The following LMOD1 variants were observed in gnomAD, a reference collection of about 807,000 sequenced individuals.
LMOD1 encodes leiomodin-1.
A neutral mutation model predicts 36.5 loss-of-function variants in LMOD1; 8 were observed. The observed-to-expected ratio is 0.22, with a 90% confidence interval of 0.13 to 0.40. The LOEUF is 0.40. LMOD1 is among the 10% of genes least tolerant of loss of function. The pLI, the probability that LMOD1 is intolerant of heterozygous loss-of-function variation, is 1.00. For missense variants in LMOD1, 630 were observed against 751.1 expected, an observed-to-expected ratio of 0.84 and a Z score of 1.88; for synonymous variants, 284 against 288.7, an observed-to-expected ratio of 0.98 and a Z score of 0.17.
chr1:201,910,492 C>G (rs1681476842), intron 1 of LMOD1, among the ~76,000 whole-genome samples: 1 of 152,060 alleles, frequency 6.6e-6, no homozygotes, highest in Non-Finnish European at 1.5e-5. Context: ...CCATGTTGCC[C>G]AGTCTGGTCT....
At chr1:201,920,132 T>C (rs551905462) in intron 1 of LMOD1, among the ~76,000 whole-genome samples, 1 of 137,812 alleles carries the variant, frequency 7.3e-6, no homozygotes, top group Non-Finnish European at 1.5e-5. Flanking sequence ...TGATCTTGGC[T>C]CACTGCAACC....
chr1:201,924,699 AAGAAAGAAAGAAAGAAAGAAAG>A (rs1457578087), intron 1 of LMOD1, among the ~76,000 whole-genome samples: 1 of 129,496 alleles, frequency 7.7e-6, no homozygotes, highest in African/African-American at 2.6e-5. Flanking sequence ...GAAAGAAAGA[AAGAAAGAAAGAAAGAAAGAAAG>A]AAAGAAAGAA....
In LMOD1 at chr1:201,897,240, G is replaced by T; in HGVS notation, c.*1132C>A. The T allele has an allele frequency of 1.7e-5, 3 of 180,206 alleles. No homozygotes were observed. The South Asian group carries it at 3.5e-4, about 21-fold the overall frequency. 11.2% of individuals were successfully genotyped at this position (180,206 alleles called of 1,614,324 possible). ...CTCTGCCTGCCGCCTTCCTGGGCCTGTGACTGCTGTGAGGACCTGGCCCTG... is the reference window on the plus strand; with the variant it reads ...CTCTGCCTGCCGCCTTCCTGGGCCTTTGACTGCTGTGAGGACCTGGCCCTG... On this transcript the variant is annotated 3_prime_UTR_variant, in exon 3 of 3. Transcript: ENST00000367288.
intron 1 of LMOD1, among the ~76,000 whole-genome samples, chr1:201,916,928 G>A (rs750964322): frequency 2.0e-5 from 3 of 152,158 alleles, no homozygotes; most frequent in African/African-American, 4.8e-5. Context: ...TCGGAGTGGC[G>A]CAATGGCAGC....
intron 1 of LMOD1, among the ~76,000 whole-genome samples, chr1:201,915,626 C>G (rs548123615): frequency 2.4e-4 from 36 of 152,302 alleles, no homozygotes; most frequent in South Asian, 6.2e-4. Flanking sequence ...TCTGCACTCA[C>G]TCACCCTTCC....
In LMOD1 at chr1:201,910,744, C is replaced by CTTTTTTTTTTTTT. The variant is rs58506647; in HGVS notation, c.262-10006_262-9994dup. ...TTCCCCTTTTGCAGATGGTGTCATT[C>CTTTTTTTTTTTTT]TTTTTTTTTTTTTTTTTTTTTTTTT... On this transcript the variant is annotated intron_variant, in intron 1 of 2. Transcript: ENST00000367288. Among the ~76,000 whole-genome samples, 59 of 49,072 alleles carry CTTTTTTTTTTTTT rather than the reference C, an allele frequency of 1.2e-3. 18 individuals are homozygous for CTTTTTTTTTTTTT. Among genetic ancestry groups the CTTTTTTTTTTTTT allele is most frequent in the Admixed American group, 1.8e-3 (5 of 2,820 alleles). The allele number at this position is 49,072 out of a possible 152,430, so 32.2% of individuals were successfully genotyped here. A position where few individuals can be genotyped will look rare whatever the true frequency, so the allele number is the denominator to read the frequency against.
At chr1:201,941,769 C>T (rs1682122442) in intron 1 of LMOD1, among the ~76,000 whole-genome samples, 1 of 152,206 alleles carries the variant, frequency 6.6e-6, no homozygotes, top group Non-Finnish European at 1.5e-5. Flanking sequence ...TAGTAGGTTG[C>T]TTCGGGTTTG....
At chr1:201,930,561 G>C (rs992953404) in intron 1 of LMOD1, among the ~76,000 whole-genome samples, 1 of 152,120 alleles carries the variant, frequency 6.6e-6, no homozygotes, top group African/African-American at 2.4e-5. Context: ...GGGGTGGGGT[G>C]GGGTGACGAT....
intron 1 of LMOD1, among the ~76,000 whole-genome samples, chr1:201,933,567 A>G (rs1208849878): frequency 2.1e-5 from 3 of 141,206 alleles, no homozygotes; most frequent in Non-Finnish European, 4.6e-5. Context: ...ATACATATAT[A>G]TATTATATAT....
chr1:201,920,043 CTCTTTT>C (rs1415750583), intron 1 of LMOD1, among the ~76,000 whole-genome samples: 1 of 116,610 alleles, frequency 8.6e-6, no homozygotes, highest in Non-Finnish European at 1.7e-5. Context: ...CTGGCTCTCT[CTCTTTT>C]TTTTTTTTTT....
rs759277538 is a variant in LMOD1, at chr1:201,900,487, C to T, written c.526G>A (p.Gly176Arg). The T allele has an allele frequency of 3.1e-6, 5 of 1,613,460 alleles. No individual in the cohort carries two copies. The highest frequency in any genetic ancestry group is 4.2e-6 in the Non-Finnish European group (5 of 1,179,764). ...GCCACTGCCCTCTCCTCTCCTCTCCCATCCTTCCCTGCCTCCTTCTTATCC... is the reference window on the plus strand; with the variant it reads ...GCCACTGCCCTCTCCTCTCCTCTCCTATCCTTCCCTGCCTCCTTCTTATCC... ...AVDKKEAGKDGRGEERAVATK... is the reference protein window; with the variant it reads ...AVDKKEAGKDRRGEERAVATK... The change falls in exon 2 of 3, where the codon GGG becomes AGG. Residue 176 changes from glycine to arginine, a missense_variant. Physicochemically the swap from Gly to Arg is moderately radical, Grantham distance 125. This residue lies in a region of LMOD1 where 405 missense variants were observed against 400.6 expected (regional missense o/e 1.01). Coordinates refer to ENST00000367288, the MANE Select transcript of LMOD1 (RefSeq NM_012134.3).
chr1:201,946,236 C>T lies in LMOD1; in HGVS notation c.105G>A (p.Glu35=), dbSNP rs1682210266. The change falls in exon 1 of 3, where the codon GAG becomes GAA. Residue 35 remains glutamate (E), a synonymous_variant. Transcript: ENST00000367288. ...TCCCGTCTGGGTCCACCACGTCCAG[C>T]TCCTTCTCCAGCTCCTCCATCTCCT... is the stretch of plus-strand genomic sequence containing the variant. ...SPEEMEELEK[E]LDVVDPDGSV... is the part of the protein sequence containing the mutation. The T allele has an allele frequency of 1.2e-6, 2 of 1,613,958 alleles. No individual in the cohort carries two copies. The highest frequency in any genetic ancestry group is 1.7e-6 in the Non-Finnish European group (2 of 1,179,914).
chr1:201,899,970 A>G lies in LMOD1; in HGVS notation c.1043T>C (p.Leu348Ser). Reference protein sequence around the residue: ...NNSDCITNEILVRFTEALEFN... With the variant: ...NNSDCITNEISVRFTEALEFN... ...CTCCAGAGCCTCAGTAAACCGGACC[A>G]AGATCTCATTTGTGATGCAGTCTGA... is the stretch of plus-strand genomic sequence containing the variant. The change falls in exon 2 of 3, where the codon TTG becomes TCG. Residue 348 changes from leucine to serine, a missense_variant. This residue lies in a region of LMOD1 where 81 missense variants were observed against 180.6 expected (regional missense o/e 0.45). Coordinates refer to ENST00000367288, the MANE Select transcript of LMOD1 (RefSeq NM_012134.3). This position sits in a 1 kb window ranked among gnomAD's most constrained non-coding sequence, Gnocchi z 6.3. The G allele has an allele frequency of 6.2e-7, 1 of 1,613,924 alleles. No individual in the cohort carries two copies. The highest frequency in any genetic ancestry group is 8.5e-7 in the Non-Finnish European group (1 of 1,179,890).
intron 1 of LMOD1, among the ~76,000 whole-genome samples, chr1:201,934,336 A>C (rs1457809069): frequency 6.6e-6 from 1 of 152,098 alleles, no homozygotes; most frequent in Admixed American, 6.6e-5. Context: ...TGCACGTATG[A>C]GGCAAACCTC....
intron 1 of LMOD1, among the ~76,000 whole-genome samples, chr1:201,927,383 T>C (rs1392414029): frequency 6.6e-6 from 1 of 152,122 alleles, no homozygotes; most frequent in African/African-American, 2.4e-5. Context: ...CTGGCCAACA[T>C]GGTGTAACCC....
Position 201,899,306 on chromosome 1 carries a change from G to A in LMOD1, c.1707C>T (p.Ala569=). The change falls in exon 2 of 3, where the codon GCC becomes GCT. Residue 569 remains alanine (A), a synonymous_variant. Transcript: ENST00000367288. The surrounding 1 kb of genome is among the most constrained non-coding windows in gnomAD (Gnocchi z 6.3). ...QRKMGDKVLP[A]QEKNSRDQLL... is the part of the protein sequence containing the mutation. ...GCTGGTCACGGGAGTTCTTCTCCTG[G>A]GCAGGGAGGACTTTGTCTCCCATCT... The A allele has an allele frequency of 6.2e-7, 1 of 1,610,852 alleles. No individual in the cohort carries two copies. Among genetic ancestry groups the A allele is most frequent in the Non-Finnish European group, 8.5e-7 (1 of 1,178,338 alleles).
chr1:201,896,698 G>A lies in LMOD1; in HGVS notation c.*1674C>T, dbSNP rs755534177. ...CTTAGCTCCAGCTCATACCCTTTAG[G>A]TCCAGGAGCCAGTGTGTGTCTGTCT... is the stretch of plus-strand genomic sequence containing the variant. On this transcript the variant is annotated 3_prime_UTR_variant, in exon 3 of 3. Transcript: ENST00000367288. 1.1e-5 allele frequency: 5 copies of A among 456,532 alleles called. No individual in the cohort carries two copies. In the East Asian group the frequency reaches 2.8e-4, roughly 25 times the overall value. 28.3% of individuals were successfully genotyped at this position (456,532 alleles called of 1,614,324 possible).
intron 1 of LMOD1, among the ~76,000 whole-genome samples, chr1:201,933,323 A>G (rs1026629388): frequency 6.6e-6 from 1 of 151,668 alleles, no homozygotes; most frequent in African/African-American, 2.4e-5. Flanking sequence ...CTGAGGCAGG[A>G]GAATCGCGTG....
At chr1:201,904,349 T>G (rs1037101354) in intron 1 of LMOD1, among the ~76,000 whole-genome samples, 5 of 152,124 alleles carry the variant, frequency 3.3e-5, no homozygotes, top group African/African-American at 1.2e-4. Context: ...TAGCTGGGAT[T>G]ACAGGCATGT....
Sources: gnomAD v4.1 joint callset for allele counts (sites outside exome capture counted in the v4.1 genomes callset) on GRCh38, gnomAD v4.1.1 for gene constraint, gnomAD v4.1.1 regional missense constraint, Gnocchi (gnomAD v3.1) non-coding constraint, MANE v1.5 for transcripts, NCBI Gene and HGNC (gene_info 2026-07-23, HGNC 2026-07-21) for gene names.